The following RERG variants were observed in gnomAD, a reference collection of about 807,000 sequenced individuals.
RERG encodes RAS like estrogen regulated growth inhibitor.
Under a neutral mutation model 23.2 loss-of-function variants are expected in RERG, and 25 were observed. The ratio of observed to expected loss-of-function variants is 1.08; its 90% CI spans 0.79 to 1.50. The LOEUF is 1.50. Ranked by LOEUF, RERG falls within the 40% of genes most tolerant of loss-of-function variation. The probability of loss-of-function intolerance (pLI) is 0.00; values close to 1 mark genes in which losing one functional copy is unlikely to be tolerated. For synonymous variants in RERG, 81 were observed against 89.1 expected (o/e 0.91, Z 0.51); for missense variants, 253 against 250.1 (o/e 1.01, Z -0.08).
At chr12:15,189,224 T>C (rs78172463) in intron 2 of RERG, among the ~76,000 whole-genome samples, 272 of 152,314 alleles carry the variant, frequency 1.8e-3, no homozygotes, top group African/African-American at 6.3e-3. Flanking sequence ...TTTCATCTTA[T>C]TCCAGTAATA....
intron 2 of RERG, among the ~76,000 whole-genome samples, chr12:15,166,804 T>C (rs1864700974): frequency 6.6e-6 from 1 of 150,636 alleles, no homozygotes; most frequent in Admixed American, 6.6e-5. Flanking sequence ...TTTAAAGAGG[T>C]CTTTTATTTA....
At chr12:15,124,986 T>G (rs1051430139) in intron 2 of RERG, among the ~76,000 whole-genome samples, 7 of 151,946 alleles carry the variant, frequency 4.6e-5, no homozygotes, top group African/African-American at 1.2e-4. Flanking sequence ...ATATATACTC[T>G]ACAACAGTAC....
intron 3 of RERG, among the ~76,000 whole-genome samples, chr12:15,112,123 G>GT (rs1466312599): frequency 6.6e-6 from 1 of 152,146 alleles, no homozygotes; most frequent in Admixed American, 6.5e-5. Context: ...TAAAAATCGA[G>GT]TTTTTGGAAA....
At chr12:15,179,112 G>C (rs931525086) in intron 2 of RERG, among the ~76,000 whole-genome samples, 2 of 152,162 alleles carry the variant, frequency 1.3e-5, no homozygotes, top group African/African-American at 4.8e-5. Flanking sequence ...ATGTTTTGGG[G>C]GTAGGGAAGA....
intron 2 of RERG, among the ~76,000 whole-genome samples, chr12:15,215,052 G>T: frequency 6.6e-6 from 1 of 152,334 alleles, no homozygotes; most frequent in Middle Eastern, 3.4e-3. Flanking sequence ...AATTGTTAAA[G>T]ATATGTAGTC....
intron 2 of RERG, among the ~76,000 whole-genome samples, chr12:15,158,291 GT>G (rs934936504): frequency 6.7e-6 from 1 of 149,358 alleles, no homozygotes; most frequent in Non-Finnish European, 1.5e-5. Context: ...TTGTTTTTTT[GT>G]TTTTTTTTAG....
intron 2 of RERG, among the ~76,000 whole-genome samples, chr12:15,191,261 C>T (rs1208191448): frequency 6.6e-6 from 1 of 152,110 alleles, no homozygotes; most frequent in Non-Finnish European, 1.5e-5. Context: ...TTTACTAATT[C>T]TAGATGTAGA....
At chr12:15,150,476 G>A (rs993893455) in intron 2 of RERG, among the ~76,000 whole-genome samples, 7 of 152,092 alleles carry the variant, frequency 4.6e-5, no homozygotes, top group Non-Finnish European at 1.0e-4. Context: ...TAACTCATAG[G>A]ATTGTTATGA....
chr12:15,173,784 G>A (rs1864808659), intron 2 of RERG, among the ~76,000 whole-genome samples: 1 of 151,390 alleles, frequency 6.6e-6, no homozygotes, highest in Non-Finnish European at 1.5e-5. Context: ...TGCATTGTTA[G>A]TATATAGAAA....
Position 15,121,096 on chromosome 12 carries a change from T to G in RERG, c.85A>C (p.Lys29Gln). 1 of 1,613,554 alleles carries G rather than the reference T, an allele frequency of 6.2e-7. No homozygotes were observed. Among genetic ancestry groups the G allele is most frequent in the Non-Finnish European group, 8.5e-7 (1 of 1,179,602 alleles). ...GGATCATATTCCCAGATGAACCGTT[T>G]GGTCAGAAATCTCACTACAAGAGCT... ...KSALVVRFLT[K>Q]RFIWEYDPTL... The change falls in exon 3 of 5, where the codon AAA becomes CAA. Residue 29 changes from lysine (K) to glutamine (Q), a missense_variant. By Grantham distance (53) the Lys-to-Gln change is moderately conservative. Coordinates refer to ENST00000256953, the MANE Select transcript of RERG (RefSeq NM_032918.3).
At position 15,128,679 on chromosome 12, in the gene RERG, G is replaced by T. The variant is rs544904663; in HGVS notation, c.62-7560C>A. 2.6e-5 allele frequency among the ~76,000 whole-genome samples: 4 copies of T among 152,338 alleles called. No individual in the cohort carries two copies. In the East Asian group the frequency reaches 7.7e-4, roughly 29 times the overall value. On this transcript the variant is annotated intron_variant, in intron 2 of 4. Transcript: ENST00000256953. ...AAGTGCCTCACAGGGAGCAAAGCTT[G>T]TGTTTTCTGGAAAAACTCTAGCAGA...
chr12:15,123,382 C>T (rs1236793667), intron 2 of RERG, among the ~76,000 whole-genome samples: 2 of 151,362 alleles, frequency 1.3e-5, no homozygotes, highest in Non-Finnish European at 2.9e-5. Context: ...CTTTCTGAAG[C>T]TGTAGAGTGG....
intron 2 of RERG, among the ~76,000 whole-genome samples, chr12:15,171,958 CT>C (rs1864784094): frequency 6.6e-6 from 1 of 152,054 alleles, no homozygotes; most frequent in African/African-American, 2.4e-5. Context: ...CTACATACAG[CT>C]TTTTAAAAAT....
intron 4 of RERG, 94 bp from the exon 5 acceptor site, chr12:15,109,611 C>T: frequency 2.1e-6 from 2 of 942,668 alleles, no homozygotes; most frequent in Non-Finnish European, 3.2e-6. Flanking sequence ...AATTACTATT[C>T]TTTATATCCA....
chr12:15,218,171 T>G (rs1355646587), intron 1 of RERG: 1 of 152,218 alleles, frequency 6.6e-6, no homozygotes, highest in Non-Finnish European at 1.5e-5. Flanking sequence ...ATATAATACA[T>G]AGATTACATT....
chr12:15,142,068 C>T (rs1421138193), intron 2 of RERG, among the ~76,000 whole-genome samples: 1 of 152,134 alleles, frequency 6.6e-6, no homozygotes. Flanking sequence ...ATTCGCTTAA[C>T]TTTAAAGAAT....
At chr12:15,177,592 C>T in intron 2 of RERG, among the ~76,000 whole-genome samples, 1 of 152,090 alleles carries the variant, frequency 6.6e-6, no homozygotes, top group East Asian at 1.9e-4. Context: ...TTCAGTGGCT[C>T]CACATTTGAG....
At chr12:15,109,575 G>C in intron 4 of RERG, 58 bp from the exon 5 acceptor site, 1 of 1,338,982 alleles carries the variant, frequency 7.5e-7, no homozygotes, top group Admixed American at 2.2e-5. Context: ...ATATATGGAT[G>C]CTGGTAATGC....
At chr12:15,122,395 C>A (rs7974306) in intron 2 of RERG, among the ~76,000 whole-genome samples, 101,767 of 151,956 alleles carry the variant, frequency 0.67, 34,174 homozygotes, top group Admixed American at 0.75. Flanking sequence ...TCCTCCTGTA[C>A]AGTTTTATAT....
Sources: allele counts gnomAD v4.1 joint callset (sites outside exome capture counted in the v4.1 genomes callset), GRCh38; gene constraint gnomAD v4.1.1; transcripts MANE v1.5; gene names NCBI Gene and HGNC (gene_info 2026-07-23, HGNC 2026-07-21).